CDK14: variants seen among roughly 807,000 people sequenced by gnomAD.
The protein encoded by CDK14 is cyclin dependent kinase 14, also known as cyclin-dependent kinase 14.
Under a neutral mutation model 60.7 loss-of-function variants are expected in CDK14, and 34 were observed. That is an observed-to-expected ratio of 0.56 (90% confidence interval 0.43 to 0.75). The LOEUF is 0.75. Among genes scored for constraint, CDK14 ranks in the 30% least tolerant of loss-of-function variants. The pLI, the probability that CDK14 is intolerant of heterozygous loss-of-function variation, is 0.00. For missense variants in CDK14, 482 were observed against 564.1 expected (o/e 0.85, Z 1.47); for synonymous variants, 197 against 203.7 (o/e 0.97, Z 0.28).
chr7:90,726,403 A>AT (rs1055989470), intron 2 of CDK14, 164 bp from the exon 3 acceptor site: 49 of 1,257,784 alleles, frequency 3.9e-5, no homozygotes, highest in Non-Finnish European at 4.6e-5. Flanking sequence ...GATTGTGAGG[A>AT]TTTTTTTGTA....
At chr7:90,638,057 A>G (rs1164839452) in intron 2 of CDK14, among the ~76,000 whole-genome samples, 1 of 150,080 alleles carries the variant, frequency 6.7e-6, no homozygotes, top group East Asian at 2.0e-4. Flanking sequence ...TGAATACAAC[A>G]CACTGATGGG....
At chr7:90,946,669 T>A (rs1357817515) in intron 8 of CDK14, among the ~76,000 whole-genome samples, 1 of 152,210 alleles carries the variant, frequency 6.6e-6, no homozygotes, top group African/African-American at 2.4e-5. Flanking sequence ...CATGGAATGT[T>A]TTAAAAATTC....
At chr7:90,653,437 G>T (rs1463182819) in intron 2 of CDK14, among the ~76,000 whole-genome samples, 1 of 151,620 alleles carries the variant, frequency 6.6e-6, no homozygotes, top group East Asian at 1.9e-4. Flanking sequence ...CCATCTCTCT[G>T]TGTCTCCTTC....
chr7:90,925,496 A>G (rs1244134507), intron 8 of CDK14, among the ~76,000 whole-genome samples: 1 of 152,220 alleles, frequency 6.6e-6, no homozygotes, highest in African/African-American at 2.4e-5. Context: ...AGTTATCATT[A>G]AGGTCTCAAC....
chr7:90,896,430 A>G (rs2117342349), intron 6 of CDK14, among the ~76,000 whole-genome samples: 1 of 152,288 alleles, frequency 6.6e-6, no homozygotes, highest in African/African-American at 2.4e-5. Context: ...ATACTACTAA[A>G]AAAGAAAAAA....
chr7:90,820,711 C>T (rs1442608808), intron 5 of CDK14, among the ~76,000 whole-genome samples: 1 of 152,098 alleles, frequency 6.6e-6, no homozygotes, highest in Non-Finnish European at 1.5e-5. Context: ...AAGTTGTCAC[C>T]TCTTTGTGCT....
chr7:90,889,231 A>AGCAT (rs1792041623), intron 6 of CDK14, among the ~76,000 whole-genome samples: 1 of 152,262 alleles, frequency 6.6e-6, no homozygotes, highest in African/African-American at 2.4e-5. Flanking sequence ...GAACTATTAA[A>AGCAT]GCATGAATAC....
intron 5 of CDK14, among the ~76,000 whole-genome samples, chr7:90,806,758 C>T (rs1788858743): frequency 6.6e-6 from 1 of 152,232 alleles, no homozygotes; most frequent in African/African-American, 2.4e-5. Flanking sequence ...AAAATCAGGT[C>T]ACTCCCACCC....
At chr7:90,779,148 G>T (rs1371513919) in intron 4 of CDK14, among the ~76,000 whole-genome samples, 7 of 152,040 alleles carry the variant, frequency 4.6e-5, no homozygotes, top group Non-Finnish European at 8.8e-5. Flanking sequence ...AGTTACTCGG[G>T]AGGCTGAGGC....
In CDK14 at chr7:90,742,155, A is replaced by G. The variant is rs928682710; in HGVS notation, c.370-5526A>G. 3.3e-5 allele frequency among the ~76,000 whole-genome samples: 5 copies of G among 152,144 alleles called. No individual in the cohort carries two copies. In the East Asian group the frequency reaches 7.7e-4, roughly 23 times the overall value. ...GTTTTGCTAGTTAAAAGCATTTTAT[A>G]TTTTTATGCTATCTGCTTCATACAA... On this transcript the variant is annotated intron_variant, in intron 3 of 14. Transcript: ENST00000380050.
chr7:90,601,726 T>A (rs1295130233), intron 1 of CDK14, among the ~76,000 whole-genome samples: 2 of 152,092 alleles, frequency 1.3e-5, no homozygotes, highest in African/African-American at 4.8e-5. Context: ...CTTCATTCCA[T>A]ATTTGCAGTT....
chr7:91,171,758 T>C (rs1411129539), intron 14 of CDK14, among the ~76,000 whole-genome samples: 5 of 152,194 alleles, frequency 3.3e-5, no homozygotes, highest in Non-Finnish European at 7.3e-5. Flanking sequence ...GCGATTCTTC[T>C]GCCTCAGCCT....
intron 4 of CDK14, among the ~76,000 whole-genome samples, chr7:90,774,821 T>G (rs2116905440): frequency 6.6e-6 from 1 of 152,348 alleles, no homozygotes; most frequent in East Asian, 1.9e-4. Flanking sequence ...GAACTCTGAA[T>G]ACCCCTGCCT....
At chr7:90,618,323 TTCTC>T (rs567260382) in intron 2 of CDK14, among the ~76,000 whole-genome samples, 91 of 152,356 alleles carry the variant, frequency 6.0e-4, no homozygotes, top group Admixed American at 2.4e-3. Flanking sequence ...CCAATTTTTT[TTCTC>T]TCTTTCTCTC....
chr7:90,980,095 T>C (rs750377845), intron 9 of CDK14, among the ~76,000 whole-genome samples: 14 of 152,134 alleles, frequency 9.2e-5, no homozygotes, highest in Non-Finnish European at 1.8e-4. Flanking sequence ...TTGTTTTGAA[T>C]TGTGATGAAA....
intron 2 of CDK14, 153 bp from the exon 3 acceptor site, chr7:90,726,414 C>G: frequency 1.6e-6 from 2 of 1,230,248 alleles, no homozygotes; most frequent in South Asian, 1.6e-5. Flanking sequence ...TTTTTTTGTA[C>G]TGTAATTTAT....
intron 12 of CDK14, among the ~76,000 whole-genome samples, chr7:91,080,369 A>C (rs967178091): frequency 6.6e-6 from 1 of 152,186 alleles, no homozygotes; most frequent in Non-Finnish European, 1.5e-5. Flanking sequence ...ATGGCGAGGA[A>C]CTCATGAAAT....
rs145134828 is a variant in CDK14 at position 90,667,524 on chromosome 7, C to G, written c.124-59043C>G. Among the ~76,000 whole-genome samples, 12 of 151,486 alleles carry G rather than the reference C, an allele frequency of 7.9e-5. No homozygotes were observed. The East Asian group carries it at 2.3e-3, about 29-fold the overall frequency. ...GTGGTTTTTCTTTACTGGCCTCTTT[C>G]ATTTAGTTTAATGTTTTCAAAGTTC... On this transcript the variant is annotated intron_variant, in intron 2 of 14. Coordinates refer to ENST00000380050, the MANE Select transcript of CDK14 (RefSeq NM_001287135.2).
At chr7:90,837,577 C>T (rs148883603) in intron 5 of CDK14, among the ~76,000 whole-genome samples, 1 of 152,056 alleles carries the variant, frequency 6.6e-6, no homozygotes, top group Admixed American at 6.6e-5. Flanking sequence ...CTGTCACTGC[C>T]CTCTGCTTTT....
Sources: allele counts gnomAD v4.1 joint callset (sites outside exome capture counted in the v4.1 genomes callset), GRCh38; gene constraint gnomAD v4.1.1; transcripts MANE v1.5; gene names NCBI Gene and HGNC (gene_info 2026-07-23, HGNC 2026-07-21).